KLHL13: variants seen among roughly 807,000 people sequenced by gnomAD.
KLHL13 encodes kelch like family member 13.
Under a neutral mutation model 37.1 loss-of-function variants are expected in KLHL13, and 10 were observed. The ratio of observed to expected loss-of-function variants is 0.27; its 90% confidence interval spans 0.17 to 0.46. The LOEUF is 0.46. Among genes scored for constraint, KLHL13 ranks in the 20% least tolerant of loss-of-function variants. The pLI is 1.00. For synonymous variants in KLHL13, 163 were observed against 181.2 expected (o/e 0.90, Z 0.81); for missense variants, 360 against 509.3 (o/e 0.71, Z 2.82).
intron 1 of KLHL13, among the ~76,000 whole-genome samples, chrX:118,032,439 C>T (rs1036989999): frequency 3.6e-5 from 4 of 111,843 alleles, no homozygotes; most frequent in South Asian, 3.8e-4. Flanking sequence ...GACCCCTGAC[C>T]CCCAAGCAGC....
At chrX:118,004,501 T>C (rs2053959930) in intron 1 of KLHL13, among the ~76,000 whole-genome samples, 1 of 111,232 alleles carries the variant, frequency 9.0e-6, no homozygotes, top group Non-Finnish European at 1.9e-5. Flanking sequence ...ACTCCAAACA[T>C]AAGGAAGGAT....
chrX:118,001,646 T>C (rs1602639012), intron 1 of KLHL13, among the ~76,000 whole-genome samples: 1 of 110,497 alleles, frequency 9.1e-6, no homozygotes, highest in African/African-American at 3.3e-5. Flanking sequence ...GGTGGATTGC[T>C]GGAGCTCTGG....
chrX:118,114,105 G>T (rs2055441401), intron 1 of KLHL13, among the ~76,000 whole-genome samples: 1 of 112,037 alleles, frequency 8.9e-6, no homozygotes, highest in Non-Finnish European at 1.9e-5. Context: ...AAATACATCG[G>T]TTTCAATCAG....
At chrX:117,953,794 A>C (rs1282606722) in intron 1 of KLHL13, among the ~76,000 whole-genome samples, 2 of 111,724 alleles carry the variant, frequency 1.8e-5, no homozygotes, top group Non-Finnish European at 3.8e-5. Context: ...AGAGAGATAC[A>C]TTCTGTTATA....
At chrX:117,923,564 G>T (rs1037731973) in intron 2 of KLHL13, among the ~76,000 whole-genome samples, 2 of 112,207 alleles carry the variant, frequency 1.8e-5, no homozygotes, top group Non-Finnish European at 3.8e-5. Flanking sequence ...TGGCTTATTT[G>T]CTAGCCTCCT....
At chrX:118,112,155 G>A (rs2055419019) in intron 1 of KLHL13, among the ~76,000 whole-genome samples, 1 of 111,888 alleles carries the variant, frequency 8.9e-6, no homozygotes, top group Non-Finnish European at 1.9e-5. Context: ...AACCACTTCG[G>A]AACACCAAAC....
intron 1 of KLHL13, among the ~76,000 whole-genome samples, chrX:118,097,361 C>A (rs2055223365): frequency 9.0e-6 from 1 of 111,206 alleles, no homozygotes; most frequent in African/African-American, 3.3e-5. Context: ...ACCTAGGAAT[C>A]CAACTTACAA....
chrX:118,011,665 G>A (rs182049545), intron 1 of KLHL13, among the ~76,000 whole-genome samples: 3 of 110,725 alleles, frequency 2.7e-5, no homozygotes, highest in Non-Finnish European at 3.8e-5. Context: ...GATGATGCCC[G>A]AGTTTCTGAG....
chrX:118,099,919 A>AAAGGAAGGAAGGAAGGAAGGAAGG lies in KLHL13; in HGVS notation c.-56+16565_-56+16588dup, dbSNP rs59085638. ...AGAAGGAAGGAAAGAAGGAAGGAAG[A>AAAGGAAGGAAGGAAGGAAGGAAGG]AAGGAAGGAAGGAAGGAAGGAAGGA... On this transcript the variant is annotated intron_variant, in intron 1 of 6. Coordinates refer to the KLHL13 transcript ENST00000371882. 8.2e-3 allele frequency among the ~76,000 whole-genome samples: 837 copies of AAAGGAAGGAAGGAAGGAAGGAAGG among 102,171 alleles called. 10 individuals carry two copies. Among genetic ancestry groups the AAAGGAAGGAAGGAAGGAAGGAAGG allele is most frequent in the African/African-American group, 0.03 (769 of 25,796 alleles). The allele number at this position is 102,171 out of a possible 115,157, so 88.7% of individuals were successfully genotyped here.
intron 1 of KLHL13, among the ~76,000 whole-genome samples, chrX:118,104,048 TAAAAAAAAAAAA>T (rs60645250): frequency 4.7e-5 from 2 of 42,562 alleles, no homozygotes; most frequent in Non-Finnish European, 8.5e-5. Context: ...TCATTTCCAC[TAAAAAAAAAAAA>T]AAAAAAAAAA....
chrX:117,901,717 C>T (rs1301901152), intron 6 of KLHL13, 116 bp downstream of exon 7: 7 of 356,793 alleles, frequency 2.0e-5, no homozygotes, highest in Non-Finnish European at 3.0e-5. Context: ...GTTGGCCCGC[C>T]TGGTCTCAAA....
intron 1 of KLHL13, chrX:117,947,309 T>C (rs1933371062): frequency 1.8e-5 from 2 of 112,175 alleles, no homozygotes; most frequent in East Asian, 5.6e-4. Flanking sequence ...CTGTATTCCC[T>C]GCACAGAGCC....
At chrX:118,011,511 T>A (rs1298702666) in intron 1 of KLHL13, among the ~76,000 whole-genome samples, 2 of 109,644 alleles carry the variant, frequency 1.8e-5, no homozygotes, top group South Asian at 7.6e-4. Flanking sequence ...GATATTTTAA[T>A]GATCTAGCTG....
chrX:118,036,466 T>A (rs759338189), intron 1 of KLHL13, among the ~76,000 whole-genome samples: 9,982 of 110,720 alleles, frequency 0.09, 451 homozygotes, highest in African/African-American at 0.16. Flanking sequence ...GATCTTTGAC[T>A]AACCGGAGAA....
chrX:117,920,097 C>T (rs780280428), intron 3 of KLHL13, 141 bp downstream of exon 4: 255 of 562,586 alleles, frequency 4.5e-4, no homozygotes, highest in Non-Finnish European at 5.8e-4. Context: ...ACAGCACCAC[C>T]GAAAACCATA....
intron 1 of KLHL13, among the ~76,000 whole-genome samples, chrX:118,011,034 C>G (rs1224447871): frequency 9.1e-6 from 1 of 110,103 alleles, no homozygotes; most frequent in Non-Finnish European, 1.9e-5. Context: ...GATTGCACCA[C>G]TGTACTCCAG....
chrX:117,901,839 T>C (rs777134320), exon 6 of KLHL13: 2 of 1,104,034 alleles, frequency 1.8e-6, no homozygotes, highest in Non-Finnish European at 2.5e-6. Context: ...TTACCTGAAA[T>C]ATACATCACT....
At chrX:118,094,224 T>C (rs1602718598) in intron 1 of KLHL13, among the ~76,000 whole-genome samples, 1 of 110,851 alleles carries the variant, frequency 9.0e-6, no homozygotes, top group Non-Finnish European at 1.9e-5. Context: ...AACCACGGCA[T>C]GAGAAATATG....
intron 5 of KLHL13, among the ~76,000 whole-genome samples, chrX:117,905,095 T>C (rs1019837472): frequency 1.8e-5 from 2 of 111,244 alleles, no homozygotes; most frequent in East Asian, 5.6e-4. Context: ...AGATGGACTC[T>C]AGAAACATAG....
Sources: allele counts gnomAD v4.1 joint callset (sites outside exome capture counted in the v4.1 genomes callset), GRCh38; gene constraint gnomAD v4.1.1; transcripts MANE v1.5; gene names NCBI Gene and HGNC (gene_info 2026-07-23, HGNC 2026-07-21).